The following NEXN variants were observed in gnomAD, a reference collection of about 807,000 sequenced individuals.
NEXN encodes nexilin.
In NEXN, 65 loss-of-function variants were observed where a neutral mutation model predicts 92.6. The ratio of observed to expected loss-of-function variants is 0.70; its 90% CI spans 0.57 to 0.86. The LOEUF is 0.86. Ranked by LOEUF, NEXN falls within the 40% of genes least tolerant of loss-of-function variation. The probability of loss-of-function intolerance (pLI) is 0.00; values close to 1 mark genes in which losing one functional copy is unlikely to be tolerated. For synonymous variants in NEXN, 254 were observed against 242.5 expected, an observed-to-expected ratio of 1.05 and a Z score of -0.44; for missense variants, 778 against 771.1, an observed-to-expected ratio of 1.01 and a Z score of -0.11.
At chr1:77,911,448 C>T (rs904876815) in intron 1 of NEXN, among the ~76,000 whole-genome samples, 16 of 151,592 alleles carry the variant, frequency 1.1e-4, no homozygotes, top group African/African-American at 3.6e-4. Flanking sequence ...AAAAATTAGC[C>T]AGGCATAGTG....
intron 1 of NEXN, among the ~76,000 whole-genome samples, chr1:77,899,727 AC>A (rs1209164649): frequency 6.6e-6 from 1 of 152,130 alleles, no homozygotes; most frequent in African/African-American, 2.4e-5. Flanking sequence ...AGGGACTTTG[AC>A]TTTTTGTTCC....
At chr1:77,898,513 A>G (rs1335260002) in intron 1 of NEXN, among the ~76,000 whole-genome samples, 2 of 152,388 alleles carry the variant, frequency 1.3e-5, no homozygotes, top group Admixed American at 1.3e-4. Flanking sequence ...AATTAATTCA[A>G]GATGGATTAA....
chr1:77,942,813 T>C lies in NEXN; in HGVS notation c.2012T>C (p.Ile671Thr), dbSNP rs747781785. Residue 671 changes from isoleucine to threonine, a missense_variant, in exon 13 of 13, where the codon ATT (isoleucine) becomes ACT (threonine). Physicochemically the swap from Ile to Thr is moderately conservative, Grantham distance 89. This residue lies in a region of NEXN where 532 missense variants were observed against 476.7 expected (regional missense o/e 1.12). Transcript: ENST00000334785. ...GSAASTCILTIESKN is the reference protein window; with the variant it reads ...GSAASTCILTTESKN ...GCAGCTAGTACCTGTATTCTTACCATTGAAAGTAAGAATTAATCACTCTTT... is the reference window on the plus strand; with the variant it reads ...GCAGCTAGTACCTGTATTCTTACCACTGAAAGTAAGAATTAATCACTCTTT... 1.6e-5 allele frequency: 25 copies of C among 1,609,058 alleles called. No individual in the cohort carries two copies. The highest frequency in any genetic ancestry group is 1.5e-4 in the Admixed American group (9 of 59,852).
At position 77,917,588 on chromosome 1, in the gene NEXN, C is replaced by G; in HGVS notation, c.50C>G (p.Pro17Arg). The G allele has an allele frequency of 1.2e-6, 2 of 1,612,870 alleles. No homozygotes were observed. The highest frequency in any genetic ancestry group is 1.7e-6 in the Non-Finnish European group (2 of 1,179,404). ...KAEILLSSSK[P>R]VPKTYVPKLG... ...AAGATTCTGCTTTCTTCATCTAAACCTGTCCCAAAAACCTATGTACCAAAA... is the reference window on the plus strand; with the variant it reads ...AAGATTCTGCTTTCTTCATCTAAACGTGTCCCAAAAACCTATGTACCAAAA... The change falls in exon 3 of 13, where the codon CCT becomes CGT. Residue 17 changes from proline (P) to arginine (R), a missense_variant. This residue lies in a region of NEXN where 236 missense variants were observed against 265.6 expected (regional missense o/e 0.89). Transcript: ENST00000334785.
intron 9 of NEXN, 59 bp downstream of exon 9, chr1:77,929,563 A>C: frequency 6.2e-7 from 1 of 1,600,262 alleles, no homozygotes; most frequent in African/African-American, 1.3e-5. Flanking sequence ...ATATGTTAAT[A>C]GAATCATTAG....
chr1:77,934,075 T>A (rs1650542430), intron 10 of NEXN, among the ~76,000 whole-genome samples: 1 of 143,254 alleles, frequency 7.0e-6, no homozygotes, highest in Admixed American at 7.5e-5. Context: ...AATGGCACAA[T>A]CTTGGTTCAT....
At chr1:77,938,325 G>GAT (rs1016362191) in intron 11 of NEXN, among the ~76,000 whole-genome samples, 5 of 152,230 alleles carry the variant, frequency 3.3e-5, no homozygotes, top group African/African-American at 1.2e-4. Flanking sequence ...TTGTTTTGGG[G>GAT]ATATATATGT....
At chr1:77,899,409 C>T (rs1282300650) in intron 1 of NEXN, among the ~76,000 whole-genome samples, 2 of 151,874 alleles carry the variant, frequency 1.3e-5, no homozygotes, top group African/African-American at 4.8e-5. Context: ...ATCGCAAGGA[C>T]AAAAAACCAA....
intron 1 of NEXN, among the ~76,000 whole-genome samples, chr1:77,899,107 T>C (rs1296095236): frequency 9.3e-5 from 14 of 149,834 alleles, no homozygotes; most frequent in South Asian, 4.3e-4. Flanking sequence ...TGGTGATTCC[T>C]CAGGGATCTA....
chr1:77,937,316 G>A (rs1571160466), intron 11 of NEXN, among the ~76,000 whole-genome samples: 1 of 151,782 alleles, frequency 6.6e-6, no homozygotes, highest in East Asian at 1.9e-4. Flanking sequence ...ACACAATAAA[G>A]CATGGATATT....
chr1:77,935,086 CAA>C, intron 10 of NEXN, among the ~76,000 whole-genome samples: 1 of 152,294 alleles, frequency 6.6e-6, no homozygotes, highest in South Asian at 2.1e-4. Context: ...TTGTTTGAGA[CAA>C]AGTCTTGCTG....
In NEXN at chr1:77,942,745, T is replaced by C; in HGVS notation, c.1944T>C (p.Asp648=). 3 of 1,613,766 alleles carry C rather than the reference T, an allele frequency of 1.9e-6. No homozygotes were observed. Among genetic ancestry groups the C allele is most frequent in the African/African-American group, 1.3e-5 (1 of 75,028 alleles). ...CLYLPETFPE[D]GGEYMCKAVN... Reference sequence around the variant, plus strand: ...ACTTACCAGAAACTTTCCCAGAAGATGGAGGAGAGTATATGTGTAAAGCAG... The same window carrying C: ...ACTTACCAGAAACTTTCCCAGAAGACGGAGGAGAGTATATGTGTAAAGCAG... Residue 648 remains aspartate, a synonymous_variant, in exon 13 of 13, where the codon GAT becomes GAC. Transcript: ENST00000334785.
Position 77,902,662 on chromosome 1 carries a change from A to G in NEXN, c.-52-13393A>G, listed in dbSNP as rs530457462. ...GCTTGATATGGGTGTATGGGGGTTC[A>G]TTGTATTAGTCTCTTTCAGTTTGTA... On this transcript the variant is annotated intron_variant, in intron 1 of 12. Coordinates refer to ENST00000334785, the MANE Select transcript of NEXN (RefSeq NM_144573.4). Among the ~76,000 whole-genome samples the G allele has an allele frequency of 3.3e-5, 5 of 152,320 alleles. No homozygotes were observed. In the East Asian group the frequency reaches 9.6e-4, roughly 29 times the overall value.
intron 11 of NEXN, among the ~76,000 whole-genome samples, chr1:77,938,266 A>ATT (rs1650946375): frequency 6.6e-6 from 1 of 152,134 alleles, no homozygotes; most frequent in South Asian, 2.1e-4. Context: ...CACCATTTCT[A>ATT]TTTTTTAACA....
intron 1 of NEXN, among the ~76,000 whole-genome samples, chr1:77,895,083 T>C (rs1314320192): frequency 8.4e-6 from 1 of 118,398 alleles, no homozygotes; most frequent in Admixed American, 9.0e-5. Context: ...CTCATTCTGT[T>C]GCCTAGGCTG....
intron 1 of NEXN, among the ~76,000 whole-genome samples, chr1:77,892,031 C>T (rs927570008): frequency 3.3e-5 from 5 of 151,652 alleles, no homozygotes; most frequent in South Asian, 2.1e-4. Context: ...TGCAGTGCAC[C>T]GTGCTTGTAC....
chr1:77,928,029 G>A (rs1482215282), intron 8 of NEXN, among the ~76,000 whole-genome samples: 2 of 151,932 alleles, frequency 1.3e-5, no homozygotes, highest in African/African-American at 4.8e-5. Flanking sequence ...TTAAAAATGC[G>A]CCAGGCATGG....
intron 5 of NEXN, among the ~76,000 whole-genome samples, chr1:77,920,319 G>T (rs1447662861): frequency 6.6e-6 from 1 of 152,182 alleles, no homozygotes; most frequent in Non-Finnish European, 1.5e-5. Flanking sequence ...GGCATAGGTA[G>T]TCAAGAAGAG....
rs144338557 is a variant in NEXN, at chr1:77,913,497, G to A, written c.-52-2558G>A. Among the ~76,000 whole-genome samples, 938 of 151,014 alleles carry A rather than the reference G, an allele frequency of 6.2e-3. 10 individuals are homozygous for A. Among genetic ancestry groups the A allele is most frequent in the African/African-American group, 0.021 (882 of 41,178 alleles). ...CAGATGGCAAATAAACATATGAAAA[G>A]GTGCTTTAATATATTATTTAATATA... is the stretch of plus-strand genomic sequence containing the variant. On this transcript the variant is annotated intron_variant, in intron 1 of 12. Coordinates refer to ENST00000334785, the MANE Select transcript of NEXN (RefSeq NM_144573.4).
Sources: gnomAD v4.1 joint callset for allele counts (sites outside exome capture counted in the v4.1 genomes callset) on GRCh38, gnomAD v4.1.1 for gene constraint, gnomAD v4.1.1 regional missense constraint, MANE v1.5 for transcripts, NCBI Gene and HGNC (gene_info 2026-07-23, HGNC 2026-07-21) for gene names.